The following COL27A1 variants were observed in gnomAD, a reference collection of about 807,000 sequenced individuals.
The protein encoded by COL27A1 is collagen alpha-1(XXVII) chain.
In COL27A1, 106 loss-of-function variants were observed where a neutral mutation model predicts 251.3. The observed-to-expected ratio is 0.42, with a 90% confidence interval of 0.36 to 0.50. The LOEUF is 0.50. Among genes scored for constraint, COL27A1 ranks in the 20% least tolerant of loss-of-function variants. COL27A1 has a pLI of 0.00. For synonymous variants in COL27A1, 1,000 were observed against 986.3 expected, an observed-to-expected ratio of 1.01 and a Z score of -0.26; for missense variants, 2,325 against 2,522.8, an observed-to-expected ratio of 0.92 and a Z score of 1.68.
In COL27A1 at chr9:114,282,230, C is replaced by T. The variant is rs1835956461; in HGVS notation, c.3718-47C>T. 4 of 1,572,112 alleles carry T rather than the reference C, an allele frequency of 2.5e-6. No homozygotes were observed. The East Asian group carries it at 9.0e-5, about 35-fold the overall frequency. On this transcript the variant is annotated intron_variant, in intron 37 of 60. Transcript: ENST00000356083. Reference sequence around the variant, plus strand: ...CGCCTTGCGGATCCGCCTCAGTTTCCTCTCTTCTCTCATCTTTCTCTTGCT... The same window carrying T: ...CGCCTTGCGGATCCGCCTCAGTTTCTTCTCTTCTCTCATCTTTCTCTTGCT...
chr9:114,275,630 C>T (rs1377465341), intron 36 of COL27A1, 31 bp from the exon 37 acceptor site: 3 of 1,444,638 alleles, frequency 2.1e-6, no homozygotes, highest in Admixed American at 4.2e-5. Context: ...TATTCTCTCT[C>T]TCTCTCCCCT....
chr9:114,306,789 C>T, intron 58 of COL27A1, 101 bp downstream of exon 58: 1 of 1,305,204 alleles, frequency 7.7e-7, no homozygotes, highest in Non-Finnish European at 1.1e-6. Flanking sequence ...TTTTTGTCCT[C>T]AGCAAGACAG....
intron 26 of COL27A1, 57 bp downstream of exon 26, chr9:114,252,703 T>C: frequency 6.6e-7 from 1 of 1,525,126 alleles, no homozygotes; most frequent in Non-Finnish European, 9.1e-7. Flanking sequence ...GAGTGACAGC[T>C]CTGCTCTCCT....
At chr9:114,221,019 G>A (rs949129899) in intron 13 of COL27A1, among the ~76,000 whole-genome samples, 14 of 147,790 alleles carry the variant, frequency 9.5e-5, no homozygotes, top group African/African-American at 2.7e-4. Flanking sequence ...AAAAGAAGCC[G>A]TTGTGAGAAT....
intron 3 of COL27A1, among the ~76,000 whole-genome samples, chr9:114,177,441 G>A (rs899367563): frequency 6.6e-6 from 1 of 152,206 alleles, no homozygotes; most frequent in African/African-American, 2.4e-5. Flanking sequence ...GCAGAGGGGA[G>A]GGAGGAGAGA....
intron 37 of COL27A1, among the ~76,000 whole-genome samples, chr9:114,277,781 C>G (rs1479910333): frequency 6.6e-6 from 1 of 152,182 alleles, no homozygotes; most frequent in Non-Finnish European, 1.5e-5. Context: ...TCACCCGCCC[C>G]CTGCCCTCTC....
chr9:114,288,669 G>A, intron 42 of COL27A1, 33 bp from the exon 43 acceptor site: 1 of 1,600,182 alleles, frequency 6.2e-7, no homozygotes, highest in African/African-American at 1.3e-5. Context: ...GGCACCTGGT[G>A]GCCCAAATTT....
intron 7 of COL27A1, among the ~76,000 whole-genome samples, chr9:114,197,232 G>A (rs1033693482): frequency 2.0e-5 from 3 of 152,122 alleles, no homozygotes; most frequent in South Asian, 2.1e-4. Context: ...AGGCCATCTG[G>A]CTCTCATCTG....
chr9:114,265,231 G>A, intron 31 of COL27A1, 121 bp downstream of exon 31: 6 of 1,195,504 alleles, frequency 5.0e-6, no homozygotes, highest in Non-Finnish European at 7.3e-6. Context: ...AACCCCGCAG[G>A]TTCTGGTTGC....
rs191875360 is a variant in COL27A1 at position 114,277,027 on chromosome 9, G to C, written c.3717+1259G>C. Among the ~76,000 whole-genome samples, 275 of 152,308 alleles carry C rather than the reference G, an allele frequency of 1.8e-3. 1 individual carries two copies. Among genetic ancestry groups the C allele is most frequent in the Middle Eastern group, 6.8e-3 (2 of 294 alleles). On this transcript the variant is annotated intron_variant, in intron 37 of 60. Coordinates refer to ENST00000356083, the MANE Select transcript of COL27A1 (RefSeq NM_032888.4). ...TGAACTTAGGCCTGCATGACTCTAC[G>C]CATACTGCCCCTGTGCTCTGGCAGA...
chr9:114,250,905 C>A (rs760393333), intron 25 of COL27A1, among the ~76,000 whole-genome samples: 3 of 152,156 alleles, frequency 2.0e-5, no homozygotes, highest in Non-Finnish European at 2.9e-5. Context: ...TGACAACCAG[C>A]AGATGCATGT....
intron 28 of COL27A1, among the ~76,000 whole-genome samples, chr9:114,264,019 G>T (rs1354986548): frequency 6.6e-6 from 1 of 152,226 alleles, no homozygotes; most frequent in Non-Finnish European, 1.5e-5. Flanking sequence ...GTGGCCACGT[G>T]TAACTCAATT....
chr9:114,205,724 T>G (rs762115789), intron 8 of COL27A1, 35 bp from the exon 9 acceptor site: 10 of 1,608,296 alleles, frequency 6.2e-6, no homozygotes, highest in Non-Finnish European at 7.7e-6. Flanking sequence ...GGCAGGGTCT[T>G]TCTTTTCCTT....
At chr9:114,172,719 G>C (rs1004824086) in intron 3 of COL27A1, among the ~76,000 whole-genome samples, 2 of 152,132 alleles carry the variant, frequency 1.3e-5, no homozygotes, top group African/African-American at 4.8e-5. Context: ...CCTTGAACCT[G>C]GGAAGTGGAG....
chr9:114,190,979 G>A (rs897900071), intron 5 of COL27A1, among the ~76,000 whole-genome samples: 1 of 152,348 alleles, frequency 6.6e-6, no homozygotes, highest in African/African-American at 2.4e-5. Context: ...GACATATAGT[G>A]TGCTCTATCC....
chr9:114,200,851 T>C (rs761822088), intron 7 of COL27A1, among the ~76,000 whole-genome samples: 19 of 152,246 alleles, frequency 1.2e-4, no homozygotes, highest in Non-Finnish European at 2.5e-4. Context: ...CAGAGATTCA[T>C]GGAGAGCTAA....
At chr9:114,237,751 G>T in intron 19 of COL27A1, 36 bp downstream of exon 19, 1 of 1,578,792 alleles carries the variant, frequency 6.3e-7, no homozygotes, top group Non-Finnish European at 8.7e-7. Flanking sequence ...TCTGGCTGCT[G>T]CTGGGACTCG....
At chr9:114,275,814 T>A in intron 37 of COL27A1, 46 bp downstream of exon 37, 1 of 1,280,432 alleles carries the variant, frequency 7.8e-7, no homozygotes, top group Non-Finnish European at 1.1e-6. Context: ...TGGGGTACCC[T>A]GAACTCTCAT....
At chr9:114,194,586 A>G (rs1828978577) in intron 6 of COL27A1, 129 bp downstream of exon 6, 11 of 816,978 alleles carry the variant, frequency 1.3e-5, no homozygotes, top group Non-Finnish European at 2.2e-5. Flanking sequence ...AACATCTGGA[A>G]GGGTTAGGGT....
Sources: allele counts gnomAD v4.1 joint callset (sites outside exome capture counted in the v4.1 genomes callset), GRCh38; gene constraint gnomAD v4.1.1; transcripts MANE v1.5; gene names NCBI Gene and HGNC (gene_info 2026-07-23, HGNC 2026-07-21).